Variants in DPP10 observed in about 807,000 individuals in gnomAD.
DPP10 encodes the protein dipeptidyl peptidase like 10, also known as inactive dipeptidyl peptidase 10.
In DPP10, 33 loss-of-function variants were observed where a neutral mutation model predicts 120.9. The observed-to-expected ratio is 0.27, with a 90% CI of 0.21 to 0.37. The LOEUF (loss-of-function observed/expected upper bound fraction) is 0.37. Among genes scored for constraint, DPP10 ranks in the 10% least tolerant of loss-of-function variants. The pLI is 1.00. For synonymous variants in DPP10, 337 were observed against 326.1 expected (o/e 1.03, Z -0.36); for missense variants, 816 against 942.8 (o/e 0.87, Z 1.76).
chr2:115,157,576 G>A (rs2104937473), intron 1 of DPP10, among the ~76,000 whole-genome samples: 1 of 152,242 alleles, frequency 6.6e-6, no homozygotes, highest in African/African-American at 2.4e-5. Flanking sequence ...ATAGTTTACT[G>A]GTTAGAGCTT....
intron 3 of DPP10, among the ~76,000 whole-genome samples, chr2:115,374,087 G>A (rs187023144): frequency 3.3e-5 from 5 of 152,126 alleles, no homozygotes; most frequent in East Asian, 1.9e-4. Context: ...GAGCCAAACC[G>A]TATCTTTCTG....
intron 4 of DPP10, among the ~76,000 whole-genome samples, chr2:115,511,539 A>G: frequency 6.7e-6 from 1 of 149,980 alleles, no homozygotes; most frequent in Non-Finnish European, 1.5e-5. Flanking sequence ...CATTTTCTCC[A>G]TTGTTTTTTT....
At chr2:114,939,203 T>C (rs1232137096) in intron 1 of DPP10, among the ~76,000 whole-genome samples, 1 of 152,096 alleles carries the variant, frequency 6.6e-6, no homozygotes. Flanking sequence ...TGGAACATCA[T>C]TAAGATCTTC....
At chr2:114,562,429 CT>C (rs1231863172) in intron 1 of DPP10, among the ~76,000 whole-genome samples, 2 of 152,202 alleles carry the variant, frequency 1.3e-5, no homozygotes, top group Non-Finnish European at 2.9e-5. Flanking sequence ...AGAATAGCAT[CT>C]TCTGGGCAGC....
chr2:115,580,476 A>G (rs2081947228), intron 5 of DPP10, among the ~76,000 whole-genome samples: 2 of 139,872 alleles, frequency 1.4e-5, no homozygotes, highest in Non-Finnish European at 3.3e-5. Flanking sequence ...AATCCACCCA[A>G]TATTATAATA....
rs557287263 is a variant in DPP10, at chr2:114,849,308, T to C, written c.60+406470T>C. On this transcript the variant is annotated intron_variant, in intron 1 of 25. Coordinates refer to ENST00000410059, the MANE Select transcript of DPP10 (RefSeq NM_020868.6). ...TGCTTTGCTGTCTTCTATGAGTTTA[T>C]GTCTGCAGGGTAAGATAGGAGGCTA... Among the ~76,000 whole-genome samples the C allele has an allele frequency of 1.8e-4, 27 of 152,246 alleles. 1 individual carries two copies. The South Asian group carries it at 5.6e-3, about 32-fold the overall frequency.
At chr2:115,594,821 G>A (rs2082891225) in intron 5 of DPP10, among the ~76,000 whole-genome samples, 1 of 151,982 alleles carries the variant, frequency 6.6e-6, no homozygotes, top group Non-Finnish European at 1.5e-5. Context: ...TACTTCTGTG[G>A]CATACAAAAA....
At chr2:114,535,959 C>T (rs1686448922) in intron 1 of DPP10, among the ~76,000 whole-genome samples, 1 of 152,024 alleles carries the variant, frequency 6.6e-6, no homozygotes, top group South Asian at 2.1e-4. Context: ...ACTGCTGTGC[C>T]CTTACACATG....
chr2:114,605,178 G>A (rs556786874), intron 1 of DPP10, among the ~76,000 whole-genome samples: 23 of 152,186 alleles, frequency 1.5e-4, no homozygotes, highest in African/African-American at 5.1e-4. Flanking sequence ...AGCTAGATTA[G>A]TCAGACTGGT....
chr2:115,759,819 T>G (rs917592897), intron 11 of DPP10, among the ~76,000 whole-genome samples: 11 of 152,128 alleles, frequency 7.2e-5, no homozygotes, highest in Non-Finnish European at 1.3e-4. Context: ...GAGACCAGCC[T>G]GACTAACATG....
chr2:114,634,396 C>T (rs1695162096), intron 1 of DPP10, among the ~76,000 whole-genome samples: 1 of 151,534 alleles, frequency 6.6e-6, no homozygotes, highest in Admixed American at 6.6e-5. Context: ...TTGTCTTTTC[C>T]TATTACCCTA....
At chr2:115,084,143 G>A (rs1225954903) in intron 1 of DPP10, among the ~76,000 whole-genome samples, 1 of 152,012 alleles carries the variant, frequency 6.6e-6, no homozygotes, top group Non-Finnish European at 1.5e-5. Flanking sequence ...CAATTTTGAG[G>A]TTTTCTGATG....
At chr2:115,207,232 G>C (rs560950299) in intron 1 of DPP10, among the ~76,000 whole-genome samples, 5 of 152,078 alleles carry the variant, frequency 3.3e-5, no homozygotes, top group Admixed American at 2.0e-4. Flanking sequence ...CAGTTAGCCT[G>C]GTTTTGCTTT....
At chr2:115,065,067 T>C (rs1706729756) in intron 1 of DPP10, among the ~76,000 whole-genome samples, 1 of 152,214 alleles carries the variant, frequency 6.6e-6, no homozygotes, top group Non-Finnish European at 1.5e-5. Flanking sequence ...CTCTACCTTC[T>C]TCACCTCAAC....
intron 1 of DPP10, among the ~76,000 whole-genome samples, chr2:115,095,404 A>G (rs1438342310): frequency 6.6e-6 from 1 of 152,130 alleles, no homozygotes; most frequent in Non-Finnish European, 1.5e-5. Flanking sequence ...AGGGTGAGTT[A>G]GTTGGAGCAG....
chr2:115,234,664 A>T (rs2057907883), intron 1 of DPP10: 1 of 152,112 alleles, frequency 6.6e-6, no homozygotes, highest in Admixed American at 6.5e-5. Context: ...ATGCACTTAC[A>T]TTTCCTAAAC....
At chr2:115,760,745 C>T (rs1034303614) in intron 11 of DPP10, among the ~76,000 whole-genome samples, 7 of 152,144 alleles carry the variant, frequency 4.6e-5, no homozygotes, top group Non-Finnish European at 8.8e-5. Flanking sequence ...AATTTCTCCA[C>T]GTATTTGTTA....
chr2:115,539,926 A>C (rs187960339), intron 5 of DPP10, among the ~76,000 whole-genome samples: 1 of 151,890 alleles, frequency 6.6e-6, no homozygotes, highest in African/African-American at 2.4e-5. Flanking sequence ...TCCTAGTTGG[A>C]GTTTATACTA....
chr2:115,269,158 G>T (rs1289072047), intron 1 of DPP10, among the ~76,000 whole-genome samples: 1 of 152,192 alleles, frequency 6.6e-6, no homozygotes. Flanking sequence ...AAGAAAAAAA[G>T]AAAAGAAACA....
Sources: gnomAD v4.1 joint callset for allele counts (sites outside exome capture counted in the v4.1 genomes callset) on GRCh38, gnomAD v4.1.1 for gene constraint, MANE v1.5 for transcripts, NCBI Gene and HGNC (gene_info 2026-07-23, HGNC 2026-07-21) for gene names.